RIMS2: variants seen among roughly 807,000 people sequenced by gnomAD.
The protein encoded by RIMS2 is regulating synaptic membrane exocytosis protein 2.
Under a neutral mutation model 174.4 loss-of-function variants are expected in RIMS2, and 59 were observed. The observed-to-expected ratio is 0.34, with a 90% CI of 0.27 to 0.42. RIMS2 has a LOEUF of 0.42. RIMS2 is among the 10% of genes least tolerant of loss of function. The pLI is 1.00. For synonymous variants in RIMS2, 606 were observed against 572.5 expected (o/e 1.06, Z -0.84); for missense variants, 1,620 against 1,666.3 (o/e 0.97, Z 0.48).
intron 19 of RIMS2, among the ~76,000 whole-genome samples, chr8:104,077,067 A>G (rs2097308947): frequency 6.6e-6 from 1 of 152,030 alleles, no homozygotes; most frequent in African/African-American, 2.4e-5. Flanking sequence ...TGATCCGCCC[A>G]CCTTGGCCTC....
intron 19 of RIMS2, among the ~76,000 whole-genome samples, chr8:104,060,151 G>A (rs1045482351): frequency 6.6e-6 from 1 of 151,824 alleles, no homozygotes; most frequent in Non-Finnish European, 1.5e-5. Flanking sequence ...AATGGTATCA[G>A]TTCCTCCTTG....
intron 1 of RIMS2, among the ~76,000 whole-genome samples, chr8:103,559,631 C>A (rs1396801558): frequency 3.3e-5 from 5 of 152,160 alleles, no homozygotes; most frequent in Non-Finnish European, 7.4e-5. Context: ...GAATTCAAGT[C>A]TCATTATAAG....
intron 17 of RIMS2, among the ~76,000 whole-genome samples, chr8:104,009,598 C>T (rs1300907392): frequency 6.6e-6 from 1 of 152,116 alleles, no homozygotes; most frequent in Non-Finnish European, 1.5e-5. Context: ...TCAGGCACTT[C>T]TGCTATTGAT....
intron 21 of RIMS2, 97 bp downstream of exon 27, chr8:104,248,910 T>A: frequency 1.6e-6 from 1 of 636,974 alleles, no homozygotes; most frequent in Non-Finnish European, 2.7e-6. Context: ...TCTCTCTCTC[T>A]CTTTCCCTCT....
At chr8:104,232,683 C>T (rs187408343) in intron 19 of RIMS2, among the ~76,000 whole-genome samples, 4 of 152,254 alleles carry the variant, frequency 2.6e-5, no homozygotes, top group African/African-American at 7.2e-5. Flanking sequence ...AGGATAACTT[C>T]GGGAAAGTAT....
intron 3 of RIMS2, among the ~76,000 whole-genome samples, chr8:103,767,867 G>A (rs1190261224): frequency 1.3e-5 from 2 of 152,334 alleles, no homozygotes; most frequent in Non-Finnish European, 2.9e-5. Context: ...AGACTGGGTA[G>A]AAAGACCTCA....
chr8:103,798,233 C>G (rs921903487), intron 3 of RIMS2, among the ~76,000 whole-genome samples: 3 of 151,660 alleles, frequency 2.0e-5, no homozygotes, highest in African/African-American at 7.3e-5. Flanking sequence ...TTGAAATGGG[C>G]AAATATAAAT....
chr8:103,751,365 G>C (rs1037452234), intron 2 of RIMS2, among the ~76,000 whole-genome samples: 1 of 151,730 alleles, frequency 6.6e-6, no homozygotes, highest in Admixed American at 6.5e-5. Flanking sequence ...ATTTGGGTTG[G>C]TTCCAAGTCT....
intron 19 of RIMS2, among the ~76,000 whole-genome samples, chr8:104,106,464 CTTTTG>C (rs56802951): frequency 0.27 from 40,892 of 151,684 alleles, 6,194 homozygotes; most frequent in East Asian, 0.57. Flanking sequence ...ATATATTCAA[CTTTTG>C]TTTTATGGCA....
chr8:104,249,327 G>A (rs139379398), intron 21 of RIMS2, among the ~76,000 whole-genome samples, 160 bp from the exon 28 acceptor site: 286 of 152,178 alleles, frequency 1.9e-3, no homozygotes, highest in African/African-American at 6.4e-3. Context: ...TAATTTTAAT[G>A]CTTTTTAAAG....
chr8:103,786,866 TG>T (rs2098448814), intron 3 of RIMS2, among the ~76,000 whole-genome samples: 1 of 152,068 alleles, frequency 6.6e-6, no homozygotes, highest in Non-Finnish European at 1.5e-5. Context: ...ATGTTGACAG[TG>T]GGGTGTTAAA....
intron 13 of RIMS2, among the ~76,000 whole-genome samples, chr8:103,937,268 A>T (rs1376625632): frequency 6.6e-6 from 1 of 152,186 alleles, no homozygotes; most frequent in Non-Finnish European, 1.5e-5. Context: ...CAGTTTTTAC[A>T]TGTCAGTTCT....
chr8:104,208,711 G>A (rs1010036076), intron 19 of RIMS2, among the ~76,000 whole-genome samples: 3 of 152,160 alleles, frequency 2.0e-5, no homozygotes, highest in Non-Finnish European at 2.9e-5. Flanking sequence ...AAGTCCTGTG[G>A]GATAATAAAG....
intron 1 of RIMS2, among the ~76,000 whole-genome samples, chr8:103,532,202 C>A (rs1343511828): frequency 6.6e-6 from 1 of 152,192 alleles, no homozygotes; most frequent in Non-Finnish European, 1.5e-5. Context: ...TTCAAACCTA[C>A]TTCCCACTTA....
rs59947900 is a variant in RIMS2, at chr8:103,702,852, G to GTTTTTTTTTTTTTTTTTTTTTTTT, written c.387+5575_387+5576insTTTTTTTTTTTTTTTTTTTTTTTT. On this transcript the variant is annotated intron_variant, in intron 2 of 23. Coordinates refer to ENST00000504942, the Ensembl canonical transcript of RIMS2. Reference sequence around the variant, plus strand: ...GTCAGGCGATGTAATTCCTCCAGCTGTTTTTTTTTTTTTTTTTTTGTATTT... The same window carrying GTTTTTTTTTTTTTTTTTTTTTTTT: ...GTCAGGCGATGTAATTCCTCCAGCTGTTTTTTTTTTTTTTTTTTTTTTTTTTTTTTTTTTTTTTTTTTTGTATTT... 1.7e-5 allele frequency among the ~76,000 whole-genome samples: 2 copies of GTTTTTTTTTTTTTTTTTTTTTTTT among 117,264 alleles called. 1 individual carries two copies. The highest frequency in any genetic ancestry group is 3.5e-5 in the Non-Finnish European group (2 of 56,996). 76.9% of individuals were successfully genotyped at this position (117,264 alleles called of 152,430 possible). A position where few individuals can be genotyped will look rare whatever the true frequency, so the allele number is the denominator to read the frequency against.
At chr8:104,034,512 C>A (rs2096471589) in intron 19 of RIMS2, among the ~76,000 whole-genome samples, 1 of 147,056 alleles carries the variant, frequency 6.8e-6, no homozygotes, top group African/African-American at 2.5e-5. Flanking sequence ...CTCTTGTTGC[C>A]CAGGCTGGAG....
chr8:103,510,658 T>G (rs935182357), intron 1 of RIMS2, among the ~76,000 whole-genome samples: 4 of 152,152 alleles, frequency 2.6e-5, no homozygotes, highest in Non-Finnish European at 4.4e-5. Flanking sequence ...ATTTTGAATC[T>G]TTATTGCGAT....
chr8:103,501,159 C>T (rs1375354687), intron 1 of RIMS2, 97 bp downstream of exon 1: 3 of 977,578 alleles, frequency 3.1e-6, no homozygotes, highest in African/African-American at 1.7e-5. Context: ...CGCCGCCCTC[C>T]CTCCCGCTGG....
intron 3 of RIMS2, among the ~76,000 whole-genome samples, chr8:103,807,238 A>T (rs538413438): frequency 1.1e-4 from 17 of 152,294 alleles, no homozygotes; most frequent in Non-Finnish European, 1.9e-4. Flanking sequence ...ACTGTGAAAG[A>T]AAATCAGAAG....
Sources: allele counts gnomAD v4.1 joint callset (sites outside exome capture counted in the v4.1 genomes callset), GRCh38; gene constraint gnomAD v4.1.1; transcripts MANE v1.5; gene names NCBI Gene and HGNC (gene_info 2026-07-23, HGNC 2026-07-21).